Variants in BCR observed in about 807,000 individuals in gnomAD.
The protein encoded by BCR is BCR activator of RhoGEF and GTPase.
Under a neutral mutation model 138.6 loss-of-function variants are expected in BCR, and 58 were observed. That is an observed-to-expected ratio of 0.42 (90% CI 0.34 to 0.52). BCR has a LOEUF of 0.52. Ranked by LOEUF, BCR falls within the 20% of genes least tolerant of loss-of-function variation. The pLI is 0.06. For missense variants in BCR, 1,599 were observed against 1,727.2 expected (o/e 0.93, Z 1.32); for synonymous variants, 786 against 730.1 (o/e 1.08, Z -1.23).
intron 16 of BCR, among the ~76,000 whole-genome samples, chr22:23,307,215 C>T (rs1025554695): frequency 6.6e-6 from 1 of 152,192 alleles, no homozygotes; most frequent in African/African-American, 2.4e-5. Context: ...CCCACCTCAG[C>T]CTCCCGAGCA....
intron 1 of BCR, among the ~76,000 whole-genome samples, chr22:23,238,994 A>G (rs754597496): frequency 6.6e-6 from 1 of 152,054 alleles, no homozygotes; most frequent in Non-Finnish European, 1.5e-5. Context: ...AACCCAGGCT[A>G]TGGAATCATG....
chr22:23,194,121 T>C (rs1038554629), intron 1 of BCR, among the ~76,000 whole-genome samples: 2 of 152,374 alleles, frequency 1.3e-5, no homozygotes, highest in Middle Eastern at 3.4e-3. Flanking sequence ...GCCTGTTCCC[T>C]CTGTGGGGGT....
intron 12 of BCR, among the ~76,000 whole-genome samples, chr22:23,288,392 A>C (rs967705451): frequency 3.1e-4 from 44 of 141,392 alleles, no homozygotes; most frequent in Admixed American, 2.2e-3. Flanking sequence ...TCACCTGGGC[A>C]CTCATTTCCC....
chr22:23,279,726 C>T (rs1038988194), intron 8 of BCR, among the ~76,000 whole-genome samples: 2 of 152,254 alleles, frequency 1.3e-5, no homozygotes, highest in African/African-American at 2.4e-5. Context: ...TGTTGATGAT[C>T]AGACTGTAGT....
chr22:23,217,762 A>G (rs1404071929), intron 1 of BCR, among the ~76,000 whole-genome samples: 2 of 152,246 alleles, frequency 1.3e-5, no homozygotes, highest in African/African-American at 4.8e-5. Flanking sequence ...ATAGTGGAAT[A>G]AATAAATACA....
At chr22:23,294,968 C>A in intron 15 of BCR, 56 bp from the exon 16 acceptor site, 2 of 1,593,584 alleles carry the variant, frequency 1.3e-6, no homozygotes, top group Non-Finnish European at 1.7e-6. Context: ...GACCCTTCAG[C>A]CATAACATTG....
intron 1 of BCR, among the ~76,000 whole-genome samples, chr22:23,213,968 A>C (rs1448655153): frequency 6.6e-6 from 1 of 152,176 alleles, no homozygotes; most frequent in African/African-American, 2.4e-5. Context: ...TAATGGGTAA[A>C]ATACAGTAAG....
Position 23,180,885 on chromosome 22 carries a change from GGCTGGCGAGGCGCCGC to G in BCR, c.-73_-58del. On this transcript the variant is annotated 5_prime_UTR_variant, in exon 1 of 23. The change creates a premature stop within an existing upstream ORF in the 5' untranslated region. Transcript: ENST00000305877. ...GGGGGCCGCCCGGCGCCCGGGGCCGGGCTGGCGAGGCGCCGCGCCGCCGCTGAGACGGGCCCCGCGC... is the reference window on the plus strand; with the variant it reads ...GGGGGCCGCCCGGCGCCCGGGGCCGGGCCGCCGCTGAGACGGGCCCCGCGC... The G allele has an allele frequency of 1.3e-6, 1 of 799,914 alleles. No individual in the cohort carries two copies. Among genetic ancestry groups the G allele is most frequent in the Non-Finnish European group, 1.4e-6 (1 of 730,014 alleles). 49.6% of individuals were successfully genotyped at this position (799,914 alleles called of 1,614,324 possible).
chr22:23,254,082 A>G, intron 2 of BCR, 102 bp downstream of exon 2: 1 of 1,357,674 alleles, frequency 7.4e-7, no homozygotes, highest in Non-Finnish European at 9.9e-7. Context: ...TGGAGCAGCC[A>G]ATGGTTTGGA....
intron 4 of BCR, among the ~76,000 whole-genome samples, chr22:23,267,468 T>C (rs578105766): frequency 6.6e-6 from 1 of 152,340 alleles, no homozygotes; most frequent in Admixed American, 6.5e-5. Context: ...GGGATTGTCA[T>C]CTGTAGAAAC....
rs555584572 is a variant in BCR, at chr22:23,220,479, G to A, written c.1280-33320G>A. On this transcript the variant is annotated intron_variant, in intron 1 of 22. Transcript: ENST00000305877. ...TTGCTTCCAGGTTGGGTTCAGGTAT[G>A]AAGTGCTGAAAACATGGGAATCCCT... 3.1e-3 allele frequency among the ~76,000 whole-genome samples: 472 copies of A among 152,296 alleles called. 3 individuals carry two copies. The highest frequency in any genetic ancestry group is 0.011 in the African/African-American group (440 of 41,564).
Position 23,181,512 on chromosome 22 carries a change from C to G in BCR, c.552C>G (p.His184Gln), listed in dbSNP as rs1032744220. Residue 184 changes from histidine to glutamine, a missense_variant, in exon 1 of 23, where the codon CAC (histidine) becomes CAG (glutamine). Transcript: ENST00000305877. ...KPFYVNVEFH[H>Q]ERGLVKVNDK... is the part of the protein sequence containing the mutation. ...TCTACGTGAACGTCGAGTTTCACCA[C>G]GAGCGCGGCCTGGTGAAGGTCAACG... 1.9e-6 allele frequency: 3 copies of G among 1,612,600 alleles called. No individual in the cohort carries two copies. The highest frequency in any genetic ancestry group is 2.5e-6 in the Non-Finnish European group (3 of 1,179,678).
intron 16 of BCR, among the ~76,000 whole-genome samples, chr22:23,303,931 CTTTTTT>C (rs131683): frequency 3.8e-5 from 4 of 106,176 alleles, no homozygotes; most frequent in Non-Finnish European, 7.1e-5. Context: ...TCCTTGTTGC[CTTTTTT>C]TTTTTTTTTT....
At chr22:23,293,470 C>T (rs1221997251) in intron 15 of BCR, among the ~76,000 whole-genome samples, 1 of 152,164 alleles carries the variant, frequency 6.6e-6, no homozygotes, top group African/African-American at 2.4e-5. Context: ...TTGAATAGTA[C>T]AAGGGCACAA....
chr22:23,270,491 C>G (rs1234482858), intron 5 of BCR, among the ~76,000 whole-genome samples: 1 of 152,144 alleles, frequency 6.6e-6, no homozygotes, highest in Non-Finnish European at 1.5e-5. Context: ...CTGGTTTTTG[C>G]AGTCTTTTGT....
At chr22:23,314,134 C>A in intron 21 of BCR, 61 bp downstream of exon 21, 1 of 1,327,006 alleles carries the variant, frequency 7.5e-7, no homozygotes. Context: ...GAGTGCCCCT[C>A]TGCTCCCACT....
At chr22:23,297,935 C>T (rs1235370211) in intron 16 of BCR, among the ~76,000 whole-genome samples, 1 of 152,204 alleles carries the variant, frequency 6.6e-6, no homozygotes, top group Non-Finnish European at 1.5e-5. Context: ...CTGTGCTCTT[C>T]TGTCAGTCTA....
At chr22:23,292,036 C>T (rs1267938790) in intron 14 of BCR, among the ~76,000 whole-genome samples, 6 of 152,346 alleles carry the variant, frequency 3.9e-5, no homozygotes, top group Non-Finnish European at 8.8e-5. Flanking sequence ...CTTCCCCCTG[C>T]ACCCCACGAC....
At chr22:23,263,407 T>G in intron 4 of BCR, 1 of 1,266,768 alleles carries the variant, frequency 7.9e-7, no homozygotes, top group South Asian at 1.2e-5. Context: ...AGTGTCCCAG[T>G]GAAGGTGTCT....
Sources: gnomAD v4.1 joint callset for allele counts (sites outside exome capture counted in the v4.1 genomes callset) on GRCh38, gnomAD v4.1.1 for gene constraint, MANE v1.5 for transcripts, NCBI Gene and HGNC (gene_info 2026-07-23, HGNC 2026-07-21) for gene names.